POLR1A: variants seen among roughly 807,000 people sequenced by gnomAD.
The protein encoded by POLR1A is RNA polymerase I subunit A.
In POLR1A, 84 loss-of-function variants were observed where a neutral mutation model predicts 205.3. The observed-to-expected ratio is 0.41, with a 90% CI of 0.34 to 0.49. The LOEUF is 0.49. POLR1A is among the 20% of genes least tolerant of loss of function. The probability of loss-of-function intolerance (pLI) is 0.22; values close to 1 mark genes in which losing one functional copy is unlikely to be tolerated. For synonymous variants in POLR1A, 799 were observed against 863.7 expected, an observed-to-expected ratio of 0.93 and a Z score of 1.31; for missense variants, 1,645 against 2,204.5, an observed-to-expected ratio of 0.75 and a Z score of 5.08.
At chr2:86,052,739 C>G in intron 16 of POLR1A, 78 bp downstream of exon 16, 2 of 1,227,056 alleles carry the variant, frequency 1.6e-6, no homozygotes, top group Non-Finnish European at 1.1e-6. Context: ...GGACGGCTCT[C>G]TCTGTCCTGG....
In POLR1A at chr2:86,073,617, ACTGT is replaced by A. The variant is rs1673219523; in HGVS notation, c.1611+1409_1611+1412del. Reference sequence around the variant, plus strand: ...TCTTGGACATTATGTGCTTAAAGTCACTGTCTGTCACTGCTGTTCCCTATGGTGT... The same window carrying A: ...TCTTGGACATTATGTGCTTAAAGTCACTGTCACTGCTGTTCCCTATGGTGT... On this transcript the variant is annotated intron_variant, in intron 12 of 33. Coordinates refer to ENST00000263857, the MANE Select transcript of POLR1A (RefSeq NM_015425.6). 2.6e-5 allele frequency among the ~76,000 whole-genome samples: 4 copies of A among 152,170 alleles called. No homozygotes were observed. In the South Asian group the frequency reaches 8.3e-4, roughly 32 times the overall value.
At position 86,078,294 on chromosome 2, in the gene POLR1A, G is replaced by T. The variant is rs1673334702; in HGVS notation, c.1087-10C>A. ...TCAAAGAGTCTTTTTCCTGGAAGAT[G>T]AAACCAAGAAAACAGGGATGATGGA... is the stretch of plus-strand genomic sequence containing the variant. On this transcript the variant is annotated splice_polypyrimidine_tract_variant and intron_variant, in intron 9 of 33. Coordinates refer to ENST00000263857, the MANE Select transcript of POLR1A (RefSeq NM_015425.6). 6 of 1,558,812 alleles carry T rather than the reference G, an allele frequency of 3.8e-6. No homozygotes were observed. The East Asian group carries it at 1.4e-4, about 35-fold the overall frequency.
intron 12 of POLR1A, among the ~76,000 whole-genome samples, chr2:86,073,774 G>A (rs1673224113): frequency 6.6e-6 from 1 of 152,224 alleles, no homozygotes; most frequent in Non-Finnish European, 1.5e-5. Context: ...CATGCAGGGG[G>A]CATCAGTACT....
At chr2:86,067,659 T>A (rs1673106040) in intron 13 of POLR1A, among the ~76,000 whole-genome samples, 1 of 152,206 alleles carries the variant, frequency 6.6e-6, no homozygotes, top group South Asian at 2.1e-4. Flanking sequence ...AATAAAGAAA[T>A]ATGGAAACTA....
In POLR1A at chr2:86,105,012, AGACCTT is replaced by A. The variant is rs1226549311; in HGVS notation, c.77+682_77+687del. Among the ~76,000 whole-genome samples the A allele has an allele frequency of 2.0e-5, 3 of 152,390 alleles. No homozygotes were observed. In the East Asian group the frequency reaches 5.8e-4, roughly 29 times the overall value. ...ACATTTAAGGAGTAAAATGAGGTACAGACCTTGCTCACCAATGTGTCATTAACGCCT... is the reference window on the plus strand; with the variant it reads ...ACATTTAAGGAGTAAAATGAGGTACAGCTCACCAATGTGTCATTAACGCCT... On this transcript the variant is annotated intron_variant, in intron 1 of 33. Coordinates refer to ENST00000263857, the MANE Select transcript of POLR1A (RefSeq NM_015425.6).
rs1036704529 is a variant in POLR1A, at chr2:86,038,358, C to T, written c.4034+342G>A. Among the ~76,000 whole-genome samples the T allele has an allele frequency of 3.9e-5, 6 of 152,252 alleles. 1 individual carries two copies. Among genetic ancestry groups the T allele is most frequent in the African/African-American group, 7.2e-5 (3 of 41,476 alleles). Reference sequence around the variant, plus strand: ...AACAGCATGTGCTGCTCCGACACCACAGAAGCACCGCTTTGATGGTGCTCC... The same window carrying T: ...AACAGCATGTGCTGCTCCGACACCATAGAAGCACCGCTTTGATGGTGCTCC... On this transcript the variant is annotated intron_variant, in intron 27 of 33. Transcript: ENST00000263857.
At position 86,028,943 on chromosome 2, in the gene POLR1A, G is replaced by C. The variant is rs749243846; in HGVS notation, c.4780-232C>G. 1.9e-6 allele frequency: 1 copy of C among 517,622 alleles called. No homozygotes were observed. Among genetic ancestry groups the C allele is most frequent in the African/African-American group, 2.1e-5 (1 of 48,534 alleles). 32.1% of individuals were successfully genotyped at this position (517,622 alleles called of 1,614,324 possible). On this transcript the variant is annotated intron_variant, in intron 31 of 33. Transcript: ENST00000263857. This position sits in a 1 kb window ranked among gnomAD's most constrained non-coding sequence, Gnocchi z 4.5. ...TGTATCGTCATTACAAGAATCCAGC[G>C]TGTCCACTTTGGACACGCTTTAGAT...
chr2:86,077,784 G>A, intron 11 of POLR1A, 75 bp downstream of exon 11: 3 of 1,540,734 alleles, frequency 1.9e-6, no homozygotes, highest in Non-Finnish European at 2.7e-6. Context: ...CACCCACGGG[G>A]AGCAAATGAG....
intron 18 of POLR1A, 32 bp downstream of exon 18, chr2:86,048,852 G>A: frequency 6.3e-7 from 1 of 1,585,264 alleles, no homozygotes; most frequent in Non-Finnish European, 8.7e-7. Context: ...ATTCATAGTG[G>A]TGGGGATAAA....
chr2:86,030,465 ACTC>A, intron 30 of POLR1A, 69 bp from the exon 31 acceptor site: 1 of 1,171,654 alleles, frequency 8.5e-7, no homozygotes, highest in South Asian at 1.3e-5. Flanking sequence ...CTGAGGCGAG[ACTC>A]CTTCAAAACC....
At chr2:86,089,997 A>G in intron 3 of POLR1A, 68 bp from the exon 4 acceptor site, 1 of 814,706 alleles carries the variant, frequency 1.2e-6, no homozygotes, top group African/African-American at 1.7e-5. Context: ...CACAACTGGG[A>G]CCAACCTCTC....
chr2:86,038,676 G>A, intron 27 of POLR1A, 24 bp downstream of exon 27: 1 of 1,610,906 alleles, frequency 6.2e-7, no homozygotes, highest in Non-Finnish European at 8.5e-7. Flanking sequence ...CAAGGTCAAT[G>A]ACAATCACAG....
Position 86,056,455 on chromosome 2 carries a change from A to G in POLR1A, c.2059-2166T>C, listed in dbSNP as rs184050088. On this transcript the variant is annotated intron_variant, in intron 14 of 33. Transcript: ENST00000263857. ...TGACAGAGCGATACTCCATCTCAAA[A>G]AGAAAAAAAAAAAAAGAAGGTAGTG... Among the ~76,000 whole-genome samples the G allele has an allele frequency of 2.9e-3, 438 of 152,184 alleles. 5 individuals are homozygous for G. The highest frequency in any genetic ancestry group is 4.1e-3 in the Non-Finnish European group (281 of 68,012).
Position 86,081,655 on chromosome 2 carries a change from GATTCC to G in POLR1A, c.864_868del (p.Met288IlefsTer33). On this transcript the variant is annotated frameshift_variant, in exon 8 of 34. Coordinates refer to ENST00000263857, the MANE Select transcript of POLR1A (RefSeq NM_015425.6). LOFTEE classifies it high-confidence loss of function. The stretch of plus-strand genomic sequence containing the variant: ...AAAGAACACACTGGGATTGAATCTG[GATTCC>G]ATACCATCATCATCCATTCCCGAAA... 6.2e-7 allele frequency: 1 copy of G among 1,613,090 alleles called. No homozygotes were observed. The highest frequency in any genetic ancestry group is 8.5e-7 in the Non-Finnish European group (1 of 1,179,634).
In POLR1A at chr2:86,040,528, G is replaced by T. The variant is rs191297520; in HGVS notation, c.3604C>A (p.Arg1202Ser). Residue 1202 changes from arginine (R) to serine (S), a missense_variant, in exon 25 of 34, where the codon CGC becomes AGC. Arg to Ser is a moderately radical substitution (Grantham distance 110). Around this residue, in one of 16 missense-constraint regions of POLR1A, gnomAD observed 201 missense variants for 222.3 expected, o/e 0.90. Transcript: ENST00000263857. ...LRTLLQLKWQ[R>S]SLCEPGEAVG... ...GCCTCGCCCGGCTCACACAGTGAGC[G>T]CTGCCACTTCAGCTGCAGCAAGGTC... 1 of 1,597,440 alleles carries T rather than the reference G, an allele frequency of 6.3e-7. No homozygotes were observed. Among genetic ancestry groups the T allele is most frequent in the Admixed American group, 1.7e-5 (1 of 57,964 alleles).
intron 24 of POLR1A, 95 bp downstream of exon 24, chr2:86,041,794 A>T (rs1320744617): frequency 4.7e-6 from 5 of 1,064,364 alleles, no homozygotes; most frequent in Admixed American, 3.5e-5. Flanking sequence ...CCCAGGAGGC[A>T]GCCCTCTTCC....
intron 3 of POLR1A, among the ~76,000 whole-genome samples, chr2:86,097,537 T>C (rs1169450676): frequency 6.6e-6 from 1 of 152,182 alleles, no homozygotes; most frequent in African/African-American, 2.4e-5. Context: ...GTGGTATATA[T>C]ACATAATGGA....
At chr2:86,097,386 A>T (rs1673725005) in intron 3 of POLR1A, among the ~76,000 whole-genome samples, 1 of 152,138 alleles carries the variant, frequency 6.6e-6, no homozygotes, top group South Asian at 2.1e-4. Context: ...GCATCCCACT[A>T]TTAGGCATTT....
Position 86,044,306 on chromosome 2 carries a change from T to C in POLR1A, c.2970-2A>G. On this transcript the variant is annotated splice_acceptor_variant, in intron 21 of 33. Transcript: ENST00000263857. LOFTEE classifies it high-confidence loss of function. ...CCCTCTAGGTGCTTGATGATGCACCTGTAAGGACACCATCGGCTCAGTCCC... is the reference window on the plus strand; with the variant it reads ...CCCTCTAGGTGCTTGATGATGCACCCGTAAGGACACCATCGGCTCAGTCCC... The C allele has an allele frequency of 6.2e-7, 1 of 1,614,104 alleles. No homozygotes were observed. The highest frequency in any genetic ancestry group is 8.5e-7 in the Non-Finnish European group (1 of 1,180,000).
Sources: allele counts gnomAD v4.1 joint callset (sites outside exome capture counted in the v4.1 genomes callset), GRCh38; gene constraint gnomAD v4.1.1; regional missense constraint gnomAD v4.1.1; non-coding constraint Gnocchi (gnomAD v3.1); transcripts MANE v1.5; gene names NCBI Gene and HGNC (gene_info 2026-07-23, HGNC 2026-07-21).